Variants in GRIK4 observed in about 807,000 individuals in gnomAD.
The protein encoded by GRIK4 is glutamate receptor ionotropic, kainate 4.
In GRIK4, 40 loss-of-function variants were observed where a neutral mutation model predicts 104.9. That is an observed-to-expected ratio of 0.38 (90% confidence interval 0.30 to 0.50). The LOEUF (loss-of-function observed/expected upper bound fraction) is 0.50. Among genes scored for constraint, GRIK4 ranks in the 20% least tolerant of loss-of-function variants. GRIK4 has a pLI of 0.93. For missense variants in GRIK4, 1,047 were observed against 1,308.1 expected, an observed-to-expected ratio of 0.80 and a Z score of 3.08; for synonymous variants, 485 against 524.9, an observed-to-expected ratio of 0.92 and a Z score of 1.04.
At chr11:120,881,708 G>C (rs1565413759) in intron 11 of GRIK4, among the ~76,000 whole-genome samples, 3 of 152,226 alleles carry the variant, frequency 2.0e-5, no homozygotes, top group African/African-American at 7.2e-5. Flanking sequence ...AGGTCAGGCT[G>C]CCTCTCTTTA....
chr11:120,749,428 G>A (rs377710899), intron 3 of GRIK4, among the ~76,000 whole-genome samples: 2 of 152,298 alleles, frequency 1.3e-5, no homozygotes, highest in African/African-American at 4.8e-5. Context: ...ATATGGTGTC[G>A]AGGAGCCACA....
intron 3 of GRIK4, among the ~76,000 whole-genome samples, chr11:120,715,746 C>T (rs1238758679): frequency 1.3e-5 from 2 of 152,180 alleles, no homozygotes; most frequent in African/African-American, 4.8e-5. Flanking sequence ...GCCACGTGGG[C>T]GCCACACCCG....
chr11:120,982,339 TCCCAG>T, intron 20 of GRIK4, 115 bp downstream of exon 20: 1 of 703,172 alleles, frequency 1.4e-6, no homozygotes, highest in Admixed American at 2.1e-5. Context: ...GCAAAGAGAA[TCCCAG>T]TGCCCAGCAG....
chr11:120,895,276 G>A (rs1942547439), intron 11 of GRIK4, among the ~76,000 whole-genome samples: 1 of 152,092 alleles, frequency 6.6e-6, no homozygotes, highest in Non-Finnish European at 1.5e-5. Context: ...TGGCTCTGTT[G>A]GTATGAGGTT....
chr11:120,569,637 G>C (rs1389532654), intron 1 of GRIK4, among the ~76,000 whole-genome samples: 1 of 152,210 alleles, frequency 6.6e-6, no homozygotes, highest in Non-Finnish European at 1.5e-5. Flanking sequence ...CTAAAGAGTA[G>C]TGATGCGTAG....
chr11:120,837,224 G>A (rs540414118), intron 8 of GRIK4, among the ~76,000 whole-genome samples: 7 of 152,294 alleles, frequency 4.6e-5, no homozygotes, highest in African/African-American at 1.7e-4. Flanking sequence ...CAGAGAGACA[G>A]GCTTGGACTC....
Position 120,940,247 on chromosome 11 carries a change from A to G in GRIK4, c.1477-100A>G, listed in dbSNP as rs1943690934. ...CACTCCTCAAGCAAGAAGCCAGACC[A>G]GCATCACATCTCCAATAGCAGTGAC... On this transcript the variant is annotated intron_variant, in intron 13 of 20. Coordinates refer to ENST00000527524, the MANE Select transcript of GRIK4 (RefSeq NM_014619.5). The surrounding 1 kb of genome is among the most constrained non-coding windows in gnomAD (Gnocchi z 4.3). The G allele has an allele frequency of 4.3e-6, 3 of 698,768 alleles. No individual in the cohort carries two copies. The highest frequency in any genetic ancestry group is 7.7e-6 in the Non-Finnish European group (3 of 391,940). The allele number at this position is 698,768 out of a possible 1,614,324, so 43.3% of individuals were successfully genotyped here.
At chr11:120,843,915 C>T (rs1953787622) in intron 8 of GRIK4, among the ~76,000 whole-genome samples, 1 of 152,144 alleles carries the variant, frequency 6.6e-6, no homozygotes, top group Non-Finnish European at 1.5e-5. Context: ...GACAGGTCCT[C>T]AGATTCCCAA....
rs775666010 is a variant in GRIK4 at position 120,952,824 on chromosome 11, C to T, written c.1591-31C>T. 20 of 1,441,102 alleles carry T rather than the reference C, an allele frequency of 1.4e-5. No individual in the cohort carries two copies. The highest frequency in any genetic ancestry group is 4.6e-5 in the South Asian group (4 of 87,774). 89.3% of individuals were successfully genotyped at this position (1,441,102 alleles called of 1,614,324 possible). On this transcript the variant is annotated intron_variant, in intron 14 of 20. Coordinates refer to ENST00000527524, the MANE Select transcript of GRIK4 (RefSeq NM_014619.5). The surrounding 1 kb of genome is among the most constrained non-coding windows in gnomAD (Gnocchi z 5.2). ...CAAGGTCATGTTGACTGAATATGTG[C>T]GGTGAATCTTGTTTTTCTCTCCATT...
In GRIK4 at chr11:120,528,930, C is replaced by G. The variant is rs556157106; in HGVS notation, c.-159+17043C>G. Among the ~76,000 whole-genome samples the G allele has an allele frequency of 3.9e-4, 60 of 152,214 alleles. 1 individual carries two copies. Among genetic ancestry groups the G allele is most frequent in the Non-Finnish European group, 6.8e-4 (46 of 68,036 alleles). The stretch of plus-strand genomic sequence containing the variant: ...GGGCACAGCCAAACCACATCACCAT[C>G]TATTGAGCATGTGCCCATCTACAGC... On this transcript the variant is annotated intron_variant, in intron 1 of 20. Transcript: ENST00000527524.
intron 11 of GRIK4, among the ~76,000 whole-genome samples, chr11:120,882,760 ACCCCTTGGCGGC>A (rs1017668204): frequency 2.0e-5 from 3 of 151,402 alleles, no homozygotes; most frequent in Non-Finnish European, 4.4e-5. Context: ...TGGGCTTAAA[ACCCCTTGGCGGC>A]CCCCATTTGC....
At chr11:120,790,738 A>G (rs1462620296) in intron 3 of GRIK4, among the ~76,000 whole-genome samples, 4 of 152,184 alleles carry the variant, frequency 2.6e-5, no homozygotes, top group Non-Finnish European at 5.9e-5. Context: ...GACATATTGC[A>G]AAAGAAAGCA....
At chr11:120,863,283 G>A (rs1954309441) in intron 9 of GRIK4, among the ~76,000 whole-genome samples, 1 of 152,182 alleles carries the variant, frequency 6.6e-6, no homozygotes, top group Non-Finnish European at 1.5e-5. Flanking sequence ...GTTTAGATAT[G>A]CAAATACTTA....
chr11:120,637,672 G>A lies in GRIK4; in HGVS notation c.-158-16013G>A, dbSNP rs188584836. On this transcript the variant is annotated intron_variant, in intron 1 of 20. Transcript: ENST00000527524. ...ACCCAGAATAATTATTTCTTGCGGCGATCTGAAGCTGAAGCTGGTTTAAAT... is the reference window on the plus strand; with the variant it reads ...ACCCAGAATAATTATTTCTTGCGGCAATCTGAAGCTGAAGCTGGTTTAAAT... 5.1e-4 allele frequency among the ~76,000 whole-genome samples: 77 copies of A among 152,170 alleles called. No homozygotes were observed. In the East Asian group the frequency reaches 8.5e-3, roughly 17 times the overall value.
chr11:120,875,565 G>C (rs1309760107), intron 11 of GRIK4, among the ~76,000 whole-genome samples: 1 of 152,178 alleles, frequency 6.6e-6, no homozygotes, highest in East Asian at 1.9e-4. Flanking sequence ...AGCCCATTTA[G>C]ACTCCAGGGA....
chr11:120,898,520 TG>T lies in GRIK4; in HGVS notation c.1165-10del. 6.7e-7 allele frequency: 1 copy of T among 1,488,166 alleles called. No homozygotes were observed. The highest frequency in any genetic ancestry group is 9.4e-7 in the Non-Finnish European group (1 of 1,065,100). 92.2% of individuals were successfully genotyped at this position (1,488,166 alleles called of 1,614,324 possible). A position where few individuals can be genotyped will look rare whatever the true frequency, so the allele number is the denominator to read the frequency against. The stretch of plus-strand genomic sequence containing the variant: ...ACCATTTCTTCCCAGTCCTCTCCGT[TG>T]GTCTCCTCAGATCGGCCAGTGGCAC... On this transcript the variant is annotated splice_polypyrimidine_tract_variant and intron_variant, in intron 11 of 20. Coordinates refer to ENST00000527524, the MANE Select transcript of GRIK4 (RefSeq NM_014619.5).
chr11:120,932,250 C>G (rs2134611411), intron 13 of GRIK4, among the ~76,000 whole-genome samples: 1 of 147,148 alleles, frequency 6.8e-6, no homozygotes, highest in African/African-American at 2.5e-5. Context: ...TGTATTTGTT[C>G]ACCATAGTAT....
chr11:120,874,956 A>G (rs1045757023), intron 10 of GRIK4, among the ~76,000 whole-genome samples, 183 bp from the exon 11 acceptor site: 3 of 152,104 alleles, frequency 2.0e-5, no homozygotes, highest in African/African-American at 7.2e-5. Context: ...CCAAGTCTGA[A>G]TTGTCTCCAC....
At chr11:120,781,639 A>G (rs1040454290) in intron 3 of GRIK4, among the ~76,000 whole-genome samples, 4 of 152,210 alleles carry the variant, frequency 2.6e-5, no homozygotes, top group African/African-American at 9.6e-5. Flanking sequence ...GGCATGAGCC[A>G]CCGTGCCCTG....
Sources: gnomAD v4.1 joint callset for allele counts (sites outside exome capture counted in the v4.1 genomes callset) on GRCh38, gnomAD v4.1.1 for gene constraint, Gnocchi (gnomAD v3.1) non-coding constraint, MANE v1.5 for transcripts, NCBI Gene and HGNC (gene_info 2026-07-23, HGNC 2026-07-21) for gene names.